The following EYA4 variants were observed in gnomAD, a reference collection of about 807,000 sequenced individuals.
The protein encoded by EYA4 is EYA transcriptional coactivator and phosphatase 4.
In EYA4, 31 loss-of-function variants were observed where a neutral mutation model predicts 87.9. That is an observed-to-expected ratio of 0.35 (90% CI 0.27 to 0.48). The LOEUF (loss-of-function observed/expected upper bound fraction) is 0.48, where lower values mean the gene tolerates loss of function less well. EYA4 is among the 20% of genes least tolerant of loss of function. The pLI is 0.99. For missense variants in EYA4, 678 were observed against 761.4 expected (o/e 0.89, Z 1.29); for synonymous variants, 263 against 270.6 (o/e 0.97, Z 0.28).
intron 6 of EYA4, among the ~76,000 whole-genome samples, chr6:133,460,191 T>C (rs1489441291): frequency 6.6e-6 from 1 of 152,152 alleles, no homozygotes; most frequent in African/African-American, 2.4e-5. Context: ...ATTCCAGCAC[T>C]GCATTGTGTA....
chr6:133,530,680 A>G lies in EYA4; in HGVS notation c.*1875A>G, dbSNP rs1177272691. 1.0e-6 allele frequency: 1 copy of G among 985,712 alleles called. No individual in the cohort carries two copies. Among genetic ancestry groups the G allele is most frequent in the Non-Finnish European group, 1.2e-6 (1 of 829,772 alleles). The allele number at this position is 985,712 out of a possible 1,614,324, so 61.1% of individuals were successfully genotyped here. ...TATTTCTTTACTGAATGCTAAGGCC[A>G]TGTTTATATTGGGTAGAAAGATATT... On this transcript the variant is annotated 3_prime_UTR_variant, in exon 20 of 20. Coordinates refer to ENST00000355286, the MANE Select transcript of EYA4 (RefSeq NM_004100.5).
rs11450141 is a variant in EYA4, at chr6:133,461,810, C to CTT, written c.438-508_438-507dup. ...TGGCATGATGAAAGGAATGATGTTCCTTTTTTTTTTTTTTTTTTAAGGAAG... is the reference window on the plus strand; with the variant it reads ...TGGCATGATGAAAGGAATGATGTTCCTTTTTTTTTTTTTTTTTTTTAAGGAAG... On this transcript the variant is annotated intron_variant, in intron 7 of 19. Coordinates refer to ENST00000355286, the MANE Select transcript of EYA4 (RefSeq NM_004100.5). 9.4e-3 allele frequency among the ~76,000 whole-genome samples: 1,220 copies of CTT among 129,892 alleles called. 10 individuals carry two copies. Among genetic ancestry groups the CTT allele is most frequent in the African/African-American group, 0.013 (445 of 34,580 alleles). The allele number at this position is 129,892 out of a possible 152,430, so 85.2% of individuals were successfully genotyped here.
intron 1 of EYA4, among the ~76,000 whole-genome samples, chr6:133,271,930 G>T (rs1444639031): frequency 6.6e-6 from 1 of 152,174 alleles, no homozygotes; most frequent in African/African-American, 2.4e-5. Context: ...CACTCAGAGA[G>T]GTCTATTCAC....
rs746266041 is a variant in EYA4, at chr6:133,462,715, G to T, written c.675G>T (p.Gly225=). 5.6e-6 allele frequency: 9 copies of T among 1,613,710 alleles called. No individual in the cohort carries two copies. The Admixed American group carries it at 1.0e-4, about 18-fold the overall frequency. ...LQSGCLSYSP[G]FSTPQPGQTP... is the part of the protein sequence containing the mutation. ...GTGGCTGCCTCAGTTACAGCCCAGG[G>T]TTCTCTACCCCACAGCCAGGCCAGA... The change falls in exon 9 of 20, where the codon GGG becomes GGT. Residue 225 remains glycine, a synonymous_variant. Coordinates refer to ENST00000355286, the MANE Select transcript of EYA4 (RefSeq NM_004100.5).
intron 13 of EYA4, among the ~76,000 whole-genome samples, chr6:133,495,451 TATTC>T (rs1388418560): frequency 7.4e-5 from 11 of 147,986 alleles, no homozygotes; most frequent in African/African-American, 2.7e-4. Context: ...TAAAGAAATA[TATTC>T]ATTTATTTAT....
chr6:133,327,800 A>T (rs1448517157), intron 2 of EYA4, among the ~76,000 whole-genome samples: 1 of 152,152 alleles, frequency 6.6e-6, no homozygotes, highest in African/African-American at 2.4e-5. Flanking sequence ...ACTCCTTCCT[A>T]TGTTTACGGA....
rs56261819 is a variant in EYA4 at position 133,439,049 on chromosome 6, C to CAAAAAAAAAAAAAAAA, written c.84-7569_84-7554dup. ...TGGGTGACAAAGCGAGACTCCGTCTCAAAAAAAAAAAAAAAAAAAAAAAAA... is the reference window on the plus strand; with the variant it reads ...TGGGTGACAAAGCGAGACTCCGTCTCAAAAAAAAAAAAAAAAAAAAAAAAAAAAAAAAAAAAAAAAA... On this transcript the variant is annotated intron_variant, in intron 3 of 19. Transcript: ENST00000355286. Among the ~76,000 whole-genome samples the CAAAAAAAAAAAAAAAA allele has an allele frequency of 4.5e-4, 29 of 64,032 alleles. 2 individuals are homozygous for CAAAAAAAAAAAAAAAA. Among genetic ancestry groups the CAAAAAAAAAAAAAAAA allele is most frequent in the South Asian group, 8.9e-4 (1 of 1,122 alleles). The allele number at this position is 64,032 out of a possible 152,430, so 42.0% of individuals were successfully genotyped here.
intron 3 of EYA4, among the ~76,000 whole-genome samples, chr6:133,440,507 A>T (rs1206834107): frequency 6.6e-6 from 1 of 152,192 alleles, no homozygotes; most frequent in African/African-American, 2.4e-5. Context: ...GTTAAGACAG[A>T]GTGTGAAAAG....
intron 2 of EYA4, among the ~76,000 whole-genome samples, chr6:133,288,060 C>CG (rs1225224187): frequency 3.3e-5 from 5 of 152,034 alleles, no homozygotes; most frequent in Admixed American, 6.5e-5. Flanking sequence ...ACCCAGGAGT[C>CG]GGAGGTGGCA....
At chr6:133,427,241 A>G (rs1013904204) in intron 3 of EYA4, among the ~76,000 whole-genome samples, 5 of 152,236 alleles carry the variant, frequency 3.3e-5, no homozygotes, top group Non-Finnish European at 7.3e-5. Flanking sequence ...CTTGAGTGGA[A>G]TTACAAAACC....
intron 17 of EYA4, among the ~76,000 whole-genome samples, chr6:133,522,150 G>A: frequency 1.4e-5 from 2 of 147,482 alleles, no homozygotes; most frequent in Non-Finnish European, 1.5e-5. Context: ...AAATTCTGGT[G>A]CATCTACATG....
At chr6:133,492,395 T>G (rs1358211767) in intron 13 of EYA4, among the ~76,000 whole-genome samples, 1 of 151,392 alleles carries the variant, frequency 6.6e-6, no homozygotes, top group African/African-American at 2.4e-5. Flanking sequence ...TTTGATAAAA[T>G]TCAACATCCT....
At chr6:133,419,781 G>A (rs1583227982) in intron 3 of EYA4, among the ~76,000 whole-genome samples, 3 of 152,214 alleles carry the variant, frequency 2.0e-5, no homozygotes, top group Admixed American at 2.0e-4. Flanking sequence ...GTCTGAATAG[G>A]TGCAATCTCA....
At chr6:133,447,387 A>G (rs17062561) in intron 4 of EYA4, among the ~76,000 whole-genome samples, 9,022 of 152,230 alleles carry the variant, frequency 0.059, 471 homozygotes, top group East Asian at 0.23. Flanking sequence ...ATTTTTATAA[A>G]ATGTATTCAA....
At chr6:133,413,426 AT>A (rs11388358) in intron 3 of EYA4, among the ~76,000 whole-genome samples, 25,489 of 140,680 alleles carry the variant, frequency 0.18, 2,331 homozygotes, top group African/African-American at 0.25. Flanking sequence ...TAACCCAGTG[AT>A]TTTTTTTTTT....
chr6:133,397,715 A>C (rs931770472), intron 3 of EYA4, among the ~76,000 whole-genome samples: 1 of 152,224 alleles, frequency 6.6e-6, no homozygotes, highest in Non-Finnish European at 1.5e-5. Flanking sequence ...TTACAAAATA[A>C]AGAGGTTTAA....
chr6:133,297,971 G>A (rs9399057), intron 2 of EYA4, among the ~76,000 whole-genome samples: 18,024 of 152,100 alleles, frequency 0.12, 1,337 homozygotes, highest in Non-Finnish European at 0.17. Context: ...TTATTACACC[G>A]AGGCTACAAT....
intron 3 of EYA4, among the ~76,000 whole-genome samples, chr6:133,400,328 T>C (rs1788152288): frequency 6.6e-6 from 1 of 151,984 alleles, no homozygotes; most frequent in Admixed American, 6.6e-5. Flanking sequence ...GCCAACATGG[T>C]GAAACCCTGT....
At chr6:133,250,239 C>T (rs996180761) in intron 1 of EYA4, among the ~76,000 whole-genome samples, 1 of 152,190 alleles carries the variant, frequency 6.6e-6, no homozygotes, top group Non-Finnish European at 1.5e-5. Flanking sequence ...ACTGGGAAGT[C>T]AGTGATCTGG....
Sources: allele counts gnomAD v4.1 joint callset (sites outside exome capture counted in the v4.1 genomes callset), GRCh38; gene constraint gnomAD v4.1.1; transcripts MANE v1.5; gene names NCBI Gene and HGNC (gene_info 2026-07-23, HGNC 2026-07-21).